FUT9: variants seen among roughly 807,000 people sequenced by gnomAD.
FUT9 encodes the protein 4-galactosyl-N-acetylglucosaminide 3-alpha-L-fucosyltransferase 9.
In FUT9, 15 loss-of-function variants were observed where a neutral mutation model predicts 29.7. That is an observed-to-expected ratio of 0.51 (90% CI 0.34 to 0.78). FUT9 has a LOEUF of 0.78. Among genes scored for constraint, FUT9 ranks in the 30% least tolerant of loss-of-function variants. The probability of loss-of-function intolerance (pLI) is 0.01; values close to 1 mark genes in which losing one functional copy is unlikely to be tolerated. For missense variants in FUT9, 319 were observed against 425.4 expected (o/e 0.75, Z 2.20); for synonymous variants, 169 against 153.7 (o/e 1.10, Z -0.74).
chr6:96,195,098 G>A (rs548982413), intron 2 of FUT9, among the ~76,000 whole-genome samples: 1 of 152,308 alleles, frequency 6.6e-6, no homozygotes, highest in East Asian at 1.9e-4. Flanking sequence ...ACAGTAGAAG[G>A]TGCCCAAAAT....
chr6:96,037,958 A>G (rs1200807261), intron 1 of FUT9, among the ~76,000 whole-genome samples: 2 of 151,682 alleles, frequency 1.3e-5, no homozygotes, highest in Non-Finnish European at 2.9e-5. Context: ...TTTCCAGACA[A>G]GTGAGCTAAC....
intron 1 of FUT9, among the ~76,000 whole-genome samples, chr6:96,017,945 G>T (rs975911634): frequency 2.0e-5 from 3 of 152,088 alleles, no homozygotes; most frequent in African/African-American, 7.2e-5. Flanking sequence ...TCCAATGTCA[G>T]GAATTTTTGT....
chr6:96,058,303 T>C (rs1039271332), intron 1 of FUT9, among the ~76,000 whole-genome samples: 5 of 152,022 alleles, frequency 3.3e-5, no homozygotes, highest in African/African-American at 1.2e-4. Context: ...TACAGCATTA[T>C]AAAGATGCCA....
chr6:96,187,331 T>C (rs761322186), intron 2 of FUT9, among the ~76,000 whole-genome samples: 1 of 152,082 alleles, frequency 6.6e-6, no homozygotes, highest in Non-Finnish European at 1.5e-5. Flanking sequence ...AACTGCAACA[T>C]AAAGCCAGAC....
At chr6:96,151,585 T>G (rs2127976808) in intron 2 of FUT9, among the ~76,000 whole-genome samples, 1 of 152,294 alleles carries the variant, frequency 6.6e-6, no homozygotes, top group African/African-American at 2.4e-5. Flanking sequence ...ATCTATATGC[T>G]AGTTCACTGG....
chr6:96,049,324 G>T (rs1473278670), intron 1 of FUT9, among the ~76,000 whole-genome samples: 1 of 152,078 alleles, frequency 6.6e-6, no homozygotes, highest in Admixed American at 6.6e-5. Flanking sequence ...CAGTCTCCTG[G>T]CATGTCAATC....
intron 1 of FUT9, among the ~76,000 whole-genome samples, chr6:96,039,842 T>C (rs1398417943): frequency 6.6e-6 from 1 of 152,202 alleles, no homozygotes; most frequent in Non-Finnish European, 1.5e-5. Context: ...ATGAAATGAA[T>C]AAATACTTCC....
chr6:96,048,731 C>T (rs1770610585), intron 1 of FUT9, among the ~76,000 whole-genome samples: 1 of 152,140 alleles, frequency 6.6e-6, no homozygotes, highest in Non-Finnish European at 1.5e-5. Flanking sequence ...CTCACTGATT[C>T]ATCAAATGTT....
chr6:96,146,806 C>T (rs564008167), intron 2 of FUT9, among the ~76,000 whole-genome samples: 29 of 152,264 alleles, frequency 1.9e-4, no homozygotes, highest in African/African-American at 7.0e-4. Context: ...CAGGAGCCAG[C>T]TGAATATGCT....
intron 1 of FUT9, among the ~76,000 whole-genome samples, chr6:96,040,405 A>G (rs1029038139): frequency 2.6e-5 from 4 of 152,194 alleles, no homozygotes; most frequent in African/African-American, 9.7e-5. Flanking sequence ...GTGCAAAACC[A>G]TGGTGCATTC....
At chr6:96,157,548 A>G (rs1179106487) in intron 2 of FUT9, among the ~76,000 whole-genome samples, 3 of 152,176 alleles carry the variant, frequency 2.0e-5, no homozygotes, top group Non-Finnish European at 4.4e-5. Flanking sequence ...TTTATTCTAG[A>G]CAAATAATGA....
At chr6:96,043,309 CAAAGTGCTG>C (rs1276867648) in intron 1 of FUT9, among the ~76,000 whole-genome samples, 1 of 152,220 alleles carries the variant, frequency 6.6e-6, no homozygotes, top group Non-Finnish European at 1.5e-5. Flanking sequence ...CCTCGGGTCC[CAAAGTGCTG>C]GGATTACAGG....
At chr6:96,143,750 TAGATA>T (rs1772510171) in intron 2 of FUT9, among the ~76,000 whole-genome samples, 1 of 152,208 alleles carries the variant, frequency 6.6e-6, no homozygotes. Context: ...ATTGAAATTT[TAGATA>T]AGATGGCTGA....
intron 2 of FUT9, among the ~76,000 whole-genome samples, chr6:96,165,248 A>G (rs572348214): frequency 1.3e-5 from 2 of 152,092 alleles, no homozygotes; most frequent in Admixed American, 1.3e-4. Flanking sequence ...CCTGACAAAC[A>G]TGGAGAAACC....
chr6:96,203,597 A>G lies in FUT9; in HGVS notation c.442A>G (p.Ile148Val), dbSNP rs1773768802. The G allele has an allele frequency of 1.2e-6, 2 of 1,613,846 alleles. No individual in the cohort carries two copies. The highest frequency in any genetic ancestry group is 8.5e-7 in the Non-Finnish European group (1 of 1,179,986). ...SPTHTPQKSG[I>V]EHLFNLTLTY... ...AACTCACACTCCCCAAAAGAGTGGC[A>G]TTGAGCACTTGTTTAACCTGACTCT... is the stretch of plus-strand genomic sequence containing the variant. Residue 148 changes from isoleucine (I) to valine (V), a missense_variant, in exon 3 of 3, where the codon ATT (isoleucine) becomes GTT (valine). Ile to Val is a conservative substitution (Grantham distance 29). Transcript: ENST00000302103.
Position 96,130,199 on chromosome 6 carries a change from G to A in FUT9, c.-9+16072G>A, listed in dbSNP as rs146074137. Among the ~76,000 whole-genome samples the A allele has an allele frequency of 4.9e-3, 738 of 152,084 alleles. 7 individuals carry two copies. Among genetic ancestry groups the A allele is most frequent in the African/African-American group, 0.017 (702 of 41,518 alleles). On this transcript the variant is annotated intron_variant, in intron 2 of 2. Coordinates refer to ENST00000302103, the MANE Select transcript of FUT9 (RefSeq NM_006581.4). Reference sequence around the variant, plus strand: ...AAAAGAATCTTAGACAAGGCAGTATGAGAAAAATTAATTTTAAAAATAAAT... The same window carrying A: ...AAAAGAATCTTAGACAAGGCAGTATAAGAAAAATTAATTTTAAAAATAAAT...
intron 2 of FUT9, among the ~76,000 whole-genome samples, chr6:96,125,978 C>T (rs79333854): frequency 0.012 from 1,777 of 152,290 alleles, 12 homozygotes; most frequent in Non-Finnish European, 0.02. Flanking sequence ...TTAAGCTTTT[C>T]AGCGAGTGAA....
At chr6:96,039,961 GTC>G (rs1770428984) in intron 1 of FUT9, among the ~76,000 whole-genome samples, 1 of 146,378 alleles carries the variant, frequency 6.8e-6, no homozygotes. Context: ...TTTTTTTTCT[GTC>G]TCTTTCCTTC....
At chr6:96,108,825 A>AC (rs2127959782) in intron 1 of FUT9, among the ~76,000 whole-genome samples, 1 of 143,126 alleles carries the variant, frequency 7.0e-6, no homozygotes, top group East Asian at 1.9e-4. Context: ...ACACACACAC[A>AC]CCGTTCATTT....
Sources: allele counts gnomAD v4.1 joint callset (sites outside exome capture counted in the v4.1 genomes callset), GRCh38; gene constraint gnomAD v4.1.1; transcripts MANE v1.5; gene names NCBI Gene and HGNC (gene_info 2026-07-23, HGNC 2026-07-21).